SLC9A9: variants seen among roughly 807,000 people sequenced by gnomAD.
The protein encoded by SLC9A9 is solute carrier family 9 member A9, also known as sodium/hydrogen exchanger 9.
SLC9A9 carries 62 observed loss-of-function variants against 77.8 expected under a neutral mutation model. That is an observed-to-expected ratio of 0.80 (90% CI 0.65 to 0.98). The LOEUF (loss-of-function observed/expected upper bound fraction) is 0.98. SLC9A9 is among the 50% of genes least tolerant of loss of function. The pLI is 0.00. For missense variants in SLC9A9, 775 were observed against 774.9 expected (o/e 1.00, Z 0.00); for synonymous variants, 320 against 283.5 (o/e 1.13, Z -1.29).
At chr3:143,434,215 G>T (rs369607067) in intron 12 of SLC9A9, among the ~76,000 whole-genome samples, 1 of 152,148 alleles carries the variant, frequency 6.6e-6, no homozygotes, top group Non-Finnish European at 1.5e-5. Flanking sequence ...GCAGACATGT[G>T]AATACAGTTC....
In SLC9A9 at chr3:143,495,367, T is replaced by C. The variant is rs138653730; in HGVS notation, c.1171A>G (p.Ile391Val). 1.2e-5 allele frequency: 19 copies of C among 1,613,984 alleles called. No homozygotes were observed. Among genetic ancestry groups the C allele is most frequent in the Non-Finnish European group, 1.5e-5 (18 of 1,179,954 alleles). The change falls in exon 10 of 16, where the codon ATC becomes GTC. Residue 391 changes from isoleucine (I) to valine (V), a missense_variant. Ile to Val is a conservative substitution (Grantham distance 29). Transcript: ENST00000316549. ...CCAAGTATAAAAAGAGCATTAAAGA[T>C]ATGATTCTGGAACGTGAACAGTGCC... ...GLALFTFQNH[I>V]FNALFILGAF... is the part of the protein sequence containing the mutation.
intron 14 of SLC9A9, among the ~76,000 whole-genome samples, chr3:143,287,580 T>C (rs537646197): frequency 6.6e-6 from 1 of 152,346 alleles, no homozygotes; most frequent in East Asian, 1.9e-4. Context: ...AAATTCTGTT[T>C]CTTTGCCCAC....
intron 14 of SLC9A9, among the ~76,000 whole-genome samples, chr3:143,280,770 C>T (rs955204068): frequency 2.0e-5 from 3 of 152,068 alleles, no homozygotes; most frequent in Non-Finnish European, 4.4e-5. Flanking sequence ...ACAGGCTGGT[C>T]TCGAACTCCT....
intron 6 of SLC9A9, among the ~76,000 whole-genome samples, chr3:143,628,704 C>T (rs2038371211): frequency 6.6e-6 from 1 of 152,058 alleles, no homozygotes; most frequent in African/African-American, 2.4e-5. Flanking sequence ...TTAGAATAAT[C>T]ATTTTTTGAA....
At chr3:143,815,011 C>G (rs2008967949) in intron 2 of SLC9A9, among the ~76,000 whole-genome samples, 1 of 150,940 alleles carries the variant, frequency 6.6e-6, no homozygotes, top group African/African-American at 2.4e-5. Flanking sequence ...ACAGGAGGAA[C>G]AAAGGAGAGG....
At chr3:143,580,344 A>G (rs1461371810) in intron 6 of SLC9A9, among the ~76,000 whole-genome samples, 1 of 152,168 alleles carries the variant, frequency 6.6e-6, no homozygotes, top group East Asian at 1.9e-4. Flanking sequence ...TTTAGAAGTA[A>G]TTCTATTAAC....
chr3:143,624,088 A>G (rs1424452992), intron 6 of SLC9A9, among the ~76,000 whole-genome samples: 2 of 152,220 alleles, frequency 1.3e-5, no homozygotes, highest in South Asian at 2.1e-4. Context: ...CTCTGAATAG[A>G]CCAATAACAG....
At chr3:143,701,611 C>G (rs1470300189) in intron 4 of SLC9A9, among the ~76,000 whole-genome samples, 1 of 151,654 alleles carries the variant, frequency 6.6e-6, no homozygotes, top group Non-Finnish European at 1.5e-5. Flanking sequence ...AATACACAGT[C>G]AGAGGAGGCA....
At chr3:143,310,769 A>G (rs956835541) in intron 14 of SLC9A9, among the ~76,000 whole-genome samples, 3 of 152,220 alleles carry the variant, frequency 2.0e-5, no homozygotes, top group African/African-American at 7.2e-5. Context: ...GATTATGTTT[A>G]TGGGGCCTCT....
intron 14 of SLC9A9, among the ~76,000 whole-genome samples, chr3:143,295,307 T>G (rs1409736900): frequency 1.3e-5 from 2 of 152,220 alleles, no homozygotes; most frequent in Non-Finnish European, 2.9e-5. Flanking sequence ...GTTTCTTTTC[T>G]CTTTCTCAAA....
intron 8 of SLC9A9, among the ~76,000 whole-genome samples, chr3:143,559,401 C>T (rs761606199): frequency 4.6e-5 from 7 of 152,288 alleles, no homozygotes; most frequent in South Asian, 4.2e-4. Context: ...ACGTGTAAGA[C>T]GTTCCTATCA....
intron 5 of SLC9A9, among the ~76,000 whole-genome samples, chr3:143,677,717 T>C (rs956280958): frequency 6.6e-6 from 1 of 152,212 alleles, no homozygotes; most frequent in African/African-American, 2.4e-5. Flanking sequence ...TAAAATGATA[T>C]GCTGTTACTT....
intron 9 of SLC9A9, among the ~76,000 whole-genome samples, chr3:143,548,497 A>T (rs2036826235): frequency 6.6e-6 from 1 of 152,166 alleles, no homozygotes; most frequent in Admixed American, 6.5e-5. Context: ...GGCTTACAGT[A>T]TCTGTCTGTC....
chr3:143,334,534 G>A (rs2047469495), intron 14 of SLC9A9, among the ~76,000 whole-genome samples: 1 of 152,172 alleles, frequency 6.6e-6, no homozygotes, highest in African/African-American at 2.4e-5. Context: ...TACTTGCTTT[G>A]TGATTTTGAG....
At position 143,300,850 on chromosome 3, in the gene SLC9A9, G is replaced by C. The variant is rs552623488; in HGVS notation, c.1605-31870C>G. On this transcript the variant is annotated intron_variant, in intron 14 of 15. Coordinates refer to ENST00000316549, the MANE Select transcript of SLC9A9 (RefSeq NM_173653.4). Reference sequence around the variant, plus strand: ...GAATTGATTTGTGTTCCAGAAGCTGGAAGTAATTAATTTCCCTTCAAATAG... The same window carrying C: ...GAATTGATTTGTGTTCCAGAAGCTGCAAGTAATTAATTTCCCTTCAAATAG... Among the ~76,000 whole-genome samples the C allele has an allele frequency of 5.9e-5, 9 of 152,324 alleles. No homozygotes were observed. In the East Asian group the frequency reaches 1.7e-3, roughly 29 times the overall value.
intron 13 of SLC9A9, among the ~76,000 whole-genome samples, chr3:143,376,394 C>T (rs1269815181): frequency 6.6e-6 from 1 of 152,154 alleles, no homozygotes; most frequent in African/African-American, 2.4e-5. Context: ...CTGGCTCAGC[C>T]CATCACTGGT....
chr3:143,682,224 A>G (rs932250959), intron 5 of SLC9A9, among the ~76,000 whole-genome samples: 1 of 152,174 alleles, frequency 6.6e-6, no homozygotes, highest in Admixed American at 6.5e-5. Context: ...TAAAGTCACT[A>G]CTTTCCCAGA....
intron 6 of SLC9A9, among the ~76,000 whole-genome samples, chr3:143,649,074 C>A (rs2038755498): frequency 6.6e-6 from 1 of 152,172 alleles, no homozygotes; most frequent in Non-Finnish European, 1.5e-5. Flanking sequence ...GTAGTAATTG[C>A]ACAGTTAATT....
chr3:143,303,629 A>G (rs1317106325), intron 14 of SLC9A9, among the ~76,000 whole-genome samples: 2 of 151,976 alleles, frequency 1.3e-5, no homozygotes, highest in Non-Finnish European at 2.9e-5. Context: ...GAAAGATATT[A>G]TTTGCTTTTT....
Sources: allele counts gnomAD v4.1 joint callset (sites outside exome capture counted in the v4.1 genomes callset), GRCh38; gene constraint gnomAD v4.1.1; transcripts MANE v1.5; gene names NCBI Gene and HGNC (gene_info 2026-07-23, HGNC 2026-07-21).